The following COPE variants were observed in gnomAD, a reference collection of about 807,000 sequenced individuals.
COPE encodes the protein coat protein complex I subunit epsilon.
COPE carries 19 observed loss-of-function variants against 42.1 expected under a neutral mutation model. That is an observed-to-expected ratio of 0.45 (90% confidence interval 0.31 to 0.66). The LOEUF (loss-of-function observed/expected upper bound fraction) is 0.66, where lower values mean the gene tolerates loss of function less well. COPE is among the 30% of genes least tolerant of loss of function. The pLI, the probability that COPE is intolerant of heterozygous loss-of-function variation, is 0.05. For missense variants in COPE, 402 were observed against 416.1 expected (o/e 0.97, Z 0.30); for synonymous variants, 195 against 181.3 (o/e 1.08, Z -0.60).
chr19:18,913,134 C>T (rs759351774), intron 1 of COPE, 88 bp from the exon 2 acceptor site: 2 of 1,206,082 alleles, frequency 1.7e-6, no homozygotes, highest in African/African-American at 1.5e-5. Flanking sequence ...CCCCTGTACA[C>T]TGGGGACAGG....
intron 3 of COPE, among the ~76,000 whole-genome samples, chr19:18,907,863 C>T (rs570995307): frequency 7.2e-4 from 109 of 152,322 alleles, no homozygotes; most frequent in African/African-American, 2.6e-3. Flanking sequence ...GCCCAGGGCC[C>T]GTGTCTGAGG....
rs759584150 is a variant in COPE at position 18,907,106 on chromosome 19, G to C, written c.297C>G (p.Ser99Arg). 6.2e-7 allele frequency: 1 copy of C among 1,611,740 alleles called. No homozygotes were observed. The highest frequency in any genetic ancestry group is 1.1e-5 in the South Asian group (1 of 90,916). The change falls in exon 4 of 10, where the codon AGC becomes AGG. Residue 99 changes from serine to arginine, a missense_variant. Ser to Arg is a moderately radical substitution (Grantham distance 110, BLOSUM62 -1). Coordinates refer to ENST00000262812, the MANE Select transcript of COPE (RefSeq NM_007263.4). ...TCTCTCGGTCCAGCTCGGCCACGAT[G>C]CTGTCCCTGCAAGACAGAGATGCTC... Reference protein sequence around the residue: ...DYLAHESRRDSIVAELDREMS... With the variant: ...DYLAHESRRDRIVAELDREMS...
chr19:18,905,769 G>A, intron 4 of COPE, 140 bp from the exon 5 acceptor site: 1 of 769,648 alleles, frequency 1.3e-6, no homozygotes, highest in Non-Finnish European at 2.0e-6. Flanking sequence ...CAGCAGAGGA[G>A]GACACCCTCA....
chr19:18,911,909 G>A (rs1338197283), intron 2 of COPE, among the ~76,000 whole-genome samples: 1 of 145,054 alleles, frequency 6.9e-6, no homozygotes. Context: ...GGAGTGTAAT[G>A]CTGTGACCTC....
intron 7 of COPE, among the ~76,000 whole-genome samples, chr19:18,902,748 A>AAAGG (rs377535730): frequency 7.7e-5 from 4 of 51,930 alleles, no homozygotes; most frequent in Non-Finnish European, 1.4e-4. Flanking sequence ...GAAAGGAAGG[A>AAAGG]AAGGAAGGAA....
At chr19:18,903,123 C>T (rs1470845014) in intron 7 of COPE, 145 bp downstream of exon 7, 16 of 795,488 alleles carry the variant, frequency 2.0e-5, no homozygotes, top group Admixed American at 4.0e-5. Flanking sequence ...TTGTGGATCT[C>T]GCTGCTGACT....
intron 8 of COPE, 163 bp from the exon 9 acceptor site, chr19:18,900,110 G>T: frequency 1.6e-6 from 1 of 637,256 alleles, no homozygotes; most frequent in Non-Finnish European, 2.7e-6. Flanking sequence ...GGGTGGGGGT[G>T]GAGGGATGGG....
intron 2 of COPE, chr19:18,911,321 G>A (rs2145074547): frequency 1.9e-6 from 1 of 518,036 alleles, no homozygotes; most frequent in Middle Eastern, 4.8e-4. Flanking sequence ...GTAGGTTACT[G>A]TCTATCCCCT....
chr19:18,900,050 G>C lies in COPE; in HGVS notation c.805-103C>G. ...TTGGGGTGAGAGCCACAGTACCCCA[G>C]GGGGCTCCTCACCCTGCCTTGGGAC... On this transcript the variant is annotated intron_variant, in intron 8 of 9. Transcript: ENST00000262812. 8.2e-6 allele frequency: 8 copies of C among 978,598 alleles called. No individual in the cohort carries two copies. In the Admixed American group the frequency reaches 1.9e-4, roughly 24 times the overall value. The allele number at this position is 978,598 out of a possible 1,614,324, so 60.6% of individuals were successfully genotyped here. A position where few individuals can be genotyped will look rare whatever the true frequency, so the allele number is the denominator to read the frequency against.
intron 4 of COPE, chr19:18,906,691 CAG>C (rs1347275149): frequency 5.4e-6 from 2 of 367,890 alleles, no homozygotes; most frequent in Non-Finnish European, 9.8e-6. Context: ...AGAAACCGAG[CAG>C]AGACAAAGCC....
At chr19:18,904,158 T>C (rs1012990360) in intron 6 of COPE, among the ~76,000 whole-genome samples, 1 of 152,198 alleles carries the variant, frequency 6.6e-6, no homozygotes, top group Admixed American at 6.5e-5. Flanking sequence ...AAAGATGGGG[T>C]TTCTCCATGT....
At chr19:18,900,068 C>T in intron 8 of COPE, 121 bp from the exon 9 acceptor site, 1 of 790,406 alleles carries the variant, frequency 1.3e-6, no homozygotes, top group Non-Finnish European at 2.0e-6. Context: ...CTCACCCTGC[C>T]TTGGGACTGG....
intron 1 of COPE, among the ~76,000 whole-genome samples, chr19:18,918,723 G>A (rs2056881990): frequency 1.3e-5 from 2 of 151,762 alleles, no homozygotes; most frequent in African/African-American, 4.8e-5. Context: ...GAGCCACTGC[G>A]CTGGGAAACT....
intron 3 of COPE, among the ~76,000 whole-genome samples, chr19:18,909,236 G>A (rs2056788785): frequency 1.3e-5 from 2 of 152,224 alleles, no homozygotes; most frequent in Non-Finnish European, 2.9e-5. Flanking sequence ...GAGAAACAGT[G>A]GCCCTGGGAG....
At chr19:18,901,402 CG>C (rs2056697525) in intron 7 of COPE, among the ~76,000 whole-genome samples, 1 of 152,168 alleles carries the variant, frequency 6.6e-6, no homozygotes, top group Non-Finnish European at 1.5e-5. Flanking sequence ...CCTGGGGCAG[CG>C]AGGGACACAC....
At chr19:18,917,558 G>A (rs564983138) in intron 1 of COPE, among the ~76,000 whole-genome samples, 25 of 151,820 alleles carry the variant, frequency 1.6e-4, no homozygotes, top group African/African-American at 6.0e-4. Flanking sequence ...TAGTAGAGAC[G>A]GGGTTTCACC....
chr19:18,915,141 G>A (rs1601235438), intron 1 of COPE, among the ~76,000 whole-genome samples: 1 of 152,132 alleles, frequency 6.6e-6, no homozygotes, highest in South Asian at 2.1e-4. Context: ...CTGGGAGGTC[G>A]AGGCTACAGT....
intron 8 of COPE, 95 bp from the exon 9 acceptor site, chr19:18,900,042 G>A (rs2056682005): frequency 2.8e-6 from 3 of 1,061,922 alleles, no homozygotes; most frequent in Non-Finnish European, 4.1e-6. Context: ...GAGAGCCACA[G>A]TACCCCAGGG....
In COPE at chr19:18,903,277, C is replaced by G; in HGVS notation, c.726G>C (p.Ala242=). The G allele has an allele frequency of 1.3e-6, 2 of 1,592,426 alleles. No individual in the cohort carries two copies. Among genetic ancestry groups the G allele is most frequent in the Non-Finnish European group, 1.7e-6 (2 of 1,169,960 alleles). Residue 242 remains alanine, a synonymous_variant, in exon 7 of 10, where the codon GCG becomes GCC. Transcript: ENST00000262812. ...ACAGGCTTGTGCCTACCTTGTCTAG[C>G]GCCTCCTGCAGCAGGCCCTCAGCGG... is the stretch of plus-strand genomic sequence containing the variant. ...WEAAEGLLQE[A]LDKDSGYPET... is the part of the protein sequence containing the mutation.
Sources: allele counts gnomAD v4.1 joint callset (sites outside exome capture counted in the v4.1 genomes callset), GRCh38; gene constraint gnomAD v4.1.1; transcripts MANE v1.5; gene names NCBI Gene and HGNC (gene_info 2026-07-23, HGNC 2026-07-21).